MSL2: variants seen among roughly 807,000 people sequenced by gnomAD.
MSL2 encodes the protein E3 ubiquitin-protein ligase MSL2.
A neutral mutation model predicts 35.8 loss-of-function variants in MSL2; 2 were observed. The observed-to-expected ratio is 0.06, with a 90% CI of 0.02 to 0.18. The LOEUF (loss-of-function observed/expected upper bound fraction) is 0.18, where lower values mean the gene tolerates loss of function less well. Among genes scored for constraint, MSL2 ranks in the 10% least tolerant of loss-of-function variants. The probability of loss-of-function intolerance (pLI) is 1.00; values close to 1 mark genes in which losing one functional copy is unlikely to be tolerated. For synonymous variants in MSL2, 296 were observed against 255.7 expected, an observed-to-expected ratio of 1.16 and a Z score of -1.50; for missense variants, 523 against 706.7, an observed-to-expected ratio of 0.74 and a Z score of 2.95.
intron 1 of MSL2, among the ~76,000 whole-genome samples, chr3:136,164,836 C>G (rs111537351): frequency 6.6e-6 from 1 of 151,984 alleles, no homozygotes; most frequent in Non-Finnish European, 1.5e-5. Flanking sequence ...TATAGTTACA[C>G]ACACAAGTAC....
chr3:136,186,482 G>A (rs1323931694), intron 1 of MSL2, among the ~76,000 whole-genome samples: 1 of 152,292 alleles, frequency 6.6e-6, no homozygotes, highest in East Asian at 1.9e-4. Context: ...GAAGTGAACT[G>A]GGTCCAGCAA....
intron 1 of MSL2, among the ~76,000 whole-genome samples, chr3:136,178,560 T>G (rs1940248398): frequency 6.9e-6 from 1 of 145,504 alleles, no homozygotes; most frequent in African/African-American, 2.6e-5. Flanking sequence ...TGAGACAGGG[T>G]CTCACTCTGT....
At chr3:136,184,748 AAAGG>A (rs1362599845) in intron 1 of MSL2, among the ~76,000 whole-genome samples, 82 of 80,724 alleles carry the variant, frequency 1.0e-3, no homozygotes, top group African/African-American at 1.3e-3. Context: ...AAAAAAAAAA[AAAGG>A]GGGGGGGGGG....
At position 136,195,532 on chromosome 3, in the gene MSL2, G is replaced by A. The variant is rs779619786; in HGVS notation, c.-419C>T. ...GCTGGCAGGCGCGGGAGCAGGCCCCGGCCCCGTCTGAGGCGCGGCACGCTT... is the reference window on the plus strand; with the variant it reads ...GCTGGCAGGCGCGGGAGCAGGCCCCAGCCCCGTCTGAGGCGCGGCACGCTT... On this transcript the variant is annotated 5_prime_UTR_variant, in exon 1 of 2. Transcript: ENST00000309993. The A allele has an allele frequency of 2.0e-5, 20 of 1,007,550 alleles. No individual in the cohort carries two copies. The highest frequency in any genetic ancestry group is 2.4e-5 in the Non-Finnish European group (20 of 844,560). The allele number at this position is 1,007,550 out of a possible 1,614,324, so 62.4% of individuals were successfully genotyped here.
chr3:136,164,996 C>G (rs914423999), intron 1 of MSL2, among the ~76,000 whole-genome samples: 1 of 152,042 alleles, frequency 6.6e-6, no homozygotes, highest in Non-Finnish European at 1.5e-5. Context: ...GCCTCAGCCT[C>G]CCGAGCAGCT....
At chr3:136,182,985 G>A (rs1009789327) in intron 1 of MSL2, among the ~76,000 whole-genome samples, 4 of 152,148 alleles carry the variant, frequency 2.6e-5, no homozygotes, top group Non-Finnish European at 5.9e-5. Flanking sequence ...AAGCTGCTGC[G>A]ACTCTGCTGA....
At chr3:136,164,108 G>A (rs1939778473) in intron 1 of MSL2, among the ~76,000 whole-genome samples, 1 of 152,150 alleles carries the variant, frequency 6.6e-6, no homozygotes, top group African/African-American at 2.4e-5. Flanking sequence ...TCAGTTTCAG[G>A]ATATTAGTGA....
intron 1 of MSL2, among the ~76,000 whole-genome samples, chr3:136,165,078 T>C (rs573682865): frequency 6.6e-6 from 1 of 152,196 alleles, no homozygotes; most frequent in East Asian, 1.9e-4. Context: ...TTTCACCATG[T>C]TGGCCAGGCT....
chr3:136,167,508 T>G (rs1390613687), intron 1 of MSL2, among the ~76,000 whole-genome samples: 1 of 152,198 alleles, frequency 6.6e-6, no homozygotes, highest in African/African-American at 2.4e-5. Context: ...CTTTTTCTGG[T>G]CATGCTTCCA....
chr3:136,163,699 C>T (rs1266820218), intron 1 of MSL2, among the ~76,000 whole-genome samples: 1 of 152,170 alleles, frequency 6.6e-6, no homozygotes, highest in Non-Finnish European at 1.5e-5. Flanking sequence ...ATTGTAATCC[C>T]CATAATCCCC....
intron 1 of MSL2, among the ~76,000 whole-genome samples, chr3:136,174,199 A>G (rs1487119939): frequency 6.6e-6 from 1 of 152,242 alleles, no homozygotes; most frequent in Admixed American, 6.5e-5. Context: ...CACCTAATAA[A>G]TGTAAAATGA....
chr3:136,153,168 A>G (rs1469187974), intron 1 of MSL2: 7 of 567,550 alleles, frequency 1.2e-5, no homozygotes, highest in Non-Finnish European at 1.6e-5. Flanking sequence ...CCTAGAGTTC[A>G]GGCTACGGTG....
At chr3:136,175,649 C>G (rs971598736) in intron 1 of MSL2, among the ~76,000 whole-genome samples, 1 of 151,434 alleles carries the variant, frequency 6.6e-6, no homozygotes, top group Non-Finnish European at 1.5e-5. Context: ...GATCGGATCA[C>G]TGCACCCTAG....
chr3:136,164,339 G>A (rs1939782868), intron 1 of MSL2, among the ~76,000 whole-genome samples: 1 of 152,158 alleles, frequency 6.6e-6, no homozygotes, highest in Non-Finnish European at 1.5e-5. Flanking sequence ...GAGTAACCAT[G>A]CCAACTGTTG....
chr3:136,181,161 G>GA (rs1940348886), intron 1 of MSL2, among the ~76,000 whole-genome samples: 1 of 151,406 alleles, frequency 6.6e-6, no homozygotes, highest in Non-Finnish European at 1.5e-5. Context: ...CAAAAAAAAA[G>GA]AAAAAAGTAA....
At chr3:136,190,014 A>G (rs1940637790) in intron 1 of MSL2, among the ~76,000 whole-genome samples, 1 of 150,336 alleles carries the variant, frequency 6.7e-6, no homozygotes, top group Non-Finnish European at 1.5e-5. Flanking sequence ...CCGGGAGACA[A>G]AGGTTGCAGT....
At chr3:136,179,690 T>A (rs777462158) in intron 1 of MSL2, among the ~76,000 whole-genome samples, 17 of 152,270 alleles carry the variant, frequency 1.1e-4, no homozygotes, top group Non-Finnish European at 1.8e-4. Context: ...AAGATTATAC[T>A]ATAAAGATCA....
At chr3:136,166,062 TAA>T (rs34420183) in intron 1 of MSL2, among the ~76,000 whole-genome samples, 19,063 of 80,512 alleles carry the variant, frequency 0.24, 1,827 homozygotes, top group Non-Finnish European at 0.3. Flanking sequence ...TACGTACCAG[TAA>T]AAAAAAAAAA....
At chr3:136,169,059 A>G (rs900274297) in intron 1 of MSL2, among the ~76,000 whole-genome samples, 3 of 152,036 alleles carry the variant, frequency 2.0e-5, no homozygotes, top group Non-Finnish European at 4.4e-5. Context: ...AAGCAATGAC[A>G]AAACATTTTT....
Sources: allele counts gnomAD v4.1 joint callset (sites outside exome capture counted in the v4.1 genomes callset), GRCh38; gene constraint gnomAD v4.1.1; transcripts MANE v1.5; gene names NCBI Gene and HGNC (gene_info 2026-07-23, HGNC 2026-07-21).